CCDC171: variants seen among roughly 807,000 people sequenced by gnomAD.
CCDC171 encodes the protein coiled-coil domain-containing protein 171.
A neutral mutation model predicts 168.2 loss-of-function variants in CCDC171; 177 were observed. That is an observed-to-expected ratio of 1.05 (90% CI 0.93 to 1.19). The LOEUF (loss-of-function observed/expected upper bound fraction) is 1.19, where lower values mean the gene tolerates loss of function less well. CCDC171 is among the 50% of genes most tolerant of loss of function. The pLI is 0.00. For synonymous variants in CCDC171, 687 were observed against 540.8 expected (o/e 1.27, Z -3.75); for missense variants, 1,991 against 1,539.0 (o/e 1.29, Z -4.91).
intron 8 of CCDC171, among the ~76,000 whole-genome samples, chr9:15,659,407 A>G (rs2048158607): frequency 6.6e-6 from 1 of 152,226 alleles, no homozygotes; most frequent in African/African-American, 2.4e-5. Flanking sequence ...TCTAATAAAT[A>G]TGGTATTTGT....
chr9:15,643,903 G>C (rs2046832919), intron 7 of CCDC171, among the ~76,000 whole-genome samples: 1 of 151,944 alleles, frequency 6.6e-6, no homozygotes, highest in Non-Finnish European at 1.5e-5. Flanking sequence ...ACATTTATTG[G>C]TACTTCATTC....
chr9:15,891,193 A>C (rs1436781706), intron 24 of CCDC171, among the ~76,000 whole-genome samples: 1 of 152,162 alleles, frequency 6.6e-6, no homozygotes, highest in Non-Finnish European at 1.5e-5. Flanking sequence ...ATGTGAAAAG[A>C]GGAAAGATAA....
chr9:15,910,199 CACCAT>C (rs1004733724), intron 24 of CCDC171, among the ~76,000 whole-genome samples: 7 of 138,078 alleles, frequency 5.1e-5, no homozygotes, highest in African/African-American at 1.8e-4. Flanking sequence ...CACACACACA[CACCAT>C]ATTTTCTTTA....
chr9:15,726,254 C>G (rs920861489), intron 14 of CCDC171, among the ~76,000 whole-genome samples: 4 of 152,090 alleles, frequency 2.6e-5, no homozygotes, highest in African/African-American at 9.7e-5. Flanking sequence ...ATGTCTACAG[C>G]GCTGTGGTTG....
At chr9:15,691,546 T>TATATATATATA (rs1554762228) in intron 10 of CCDC171, among the ~76,000 whole-genome samples, 7,632 of 105,810 alleles carry the variant, frequency 0.072, 454 homozygotes, top group African/African-American at 0.088. Flanking sequence ...TATATGTTTT[T>TATATATATATA]TATATATATA....
intron 11 of CCDC171, among the ~76,000 whole-genome samples, chr9:15,701,138 T>C (rs1197530037): frequency 1.3e-5 from 2 of 152,238 alleles, no homozygotes. Flanking sequence ...ATTCTGGATA[T>C]TAGTCCCTTG....
At chr9:15,922,285 C>A in intron 25 of CCDC171, 1 of 210,052 alleles carries the variant, frequency 4.8e-6, no homozygotes, top group Non-Finnish European at 1.1e-5. Context: ...TTGAGAATCA[C>A]TGTTTTAAAA....
At chr9:15,582,085 G>A (rs548838152) in intron 4 of CCDC171, among the ~76,000 whole-genome samples, 2 of 152,104 alleles carry the variant, frequency 1.3e-5, no homozygotes, top group East Asian at 3.9e-4. Context: ...AAATTTACAA[G>A]AAAAAAACAA....
At chr9:16,025,662 ACTAAG>A (rs977049093) in intron 6 of CCDC171, among the ~76,000 whole-genome samples, 4 of 152,202 alleles carry the variant, frequency 2.6e-5, no homozygotes, top group African/African-American at 7.2e-5. Context: ...CCTTGGAAAC[ACTAAG>A]CTAAGTGAAA....
chr9:15,846,882 C>T (rs1192201793), intron 22 of CCDC171, 35 bp downstream of exon 22: 3 of 1,564,436 alleles, frequency 1.9e-6, no homozygotes, highest in Admixed American at 3.7e-5. Flanking sequence ...TCACTTAAAA[C>T]AGACAAAAGA....
At chr9:15,611,264 A>G (rs571920716) in intron 6 of CCDC171, among the ~76,000 whole-genome samples, 3 of 152,284 alleles carry the variant, frequency 2.0e-5, no homozygotes, top group East Asian at 3.9e-4. Context: ...CTGTTAGCCT[A>G]TTAAACCTCT....
At chr9:15,617,340 T>G (rs953547912) in intron 6 of CCDC171, among the ~76,000 whole-genome samples, 1 of 152,062 alleles carries the variant, frequency 6.6e-6, no homozygotes, top group Non-Finnish European at 1.5e-5. Flanking sequence ...CCTTTGATCT[T>G]TGAGGCTGAT....
the CCDC171 span, among the ~76,000 whole-genome samples, chr9:16,072,815 C>T: frequency 5.3e-5 from 8 of 152,160 alleles, no homozygotes; most frequent in Non-Finnish European, 1.2e-4. Flanking sequence ...CCTGAGATAC[C>T]CTAGCCCCCT....
At chr9:16,064,738 G>T (rs1833973580), downstream of CCDC171, among the ~76,000 whole-genome samples, 1 of 152,146 alleles carries the variant, frequency 6.6e-6, no homozygotes, top group East Asian at 1.9e-4. Flanking sequence ...ACTGTCAGAG[G>T]TAATGGAGAC....
chr9:15,917,033 T>G lies in CCDC171; in HGVS notation c.3601-3237T>G, dbSNP rs1483777414. Among the ~76,000 whole-genome samples the G allele has an allele frequency of 2.0e-5, 3 of 152,106 alleles. No homozygotes were observed. The East Asian group carries it at 5.8e-4, about 29-fold the overall frequency. ...AATGTAAAATAATGTGATCTTTTAA[T>G]AAGGGAACAGGATATGTCGTAGAGG... On this transcript the variant is annotated intron_variant, in intron 24 of 25. Coordinates refer to ENST00000380701, the MANE Select transcript of CCDC171 (RefSeq NM_173550.4).
At chr9:15,649,656 C>G (rs1429513507) in intron 7 of CCDC171, among the ~76,000 whole-genome samples, 1 of 152,140 alleles carries the variant, frequency 6.6e-6, no homozygotes, top group Non-Finnish European at 1.5e-5. Flanking sequence ...AAATGCTCAT[C>G]ATCACTGGCC....
intron 4 of CCDC171, among the ~76,000 whole-genome samples, chr9:15,582,162 C>G (rs1383604638): frequency 1.3e-5 from 2 of 152,140 alleles, no homozygotes; most frequent in East Asian, 3.8e-4. Context: ...ATGCAACCAA[C>G]AAACATATGA....
intron 12 of CCDC171, among the ~76,000 whole-genome samples, chr9:15,722,500 G>C (rs1168584561): frequency 1.3e-5 from 2 of 152,192 alleles, no homozygotes; most frequent in South Asian, 2.1e-4. Context: ...TTATGAATTT[G>C]TGCTTTAAGA....
At position 15,973,796 on chromosome 9, in the gene CCDC171, T is replaced by A. The variant is rs1380649335; in HGVS notation, c.*1960T>A. The A allele has an allele frequency of 6.6e-6, 1 of 152,134 alleles. No individual in the cohort carries two copies. The highest frequency in any genetic ancestry group is 2.4e-5 in the African/African-American group (1 of 41,436). 9.4% of individuals were successfully genotyped at this position (152,134 alleles called of 1,614,324 possible). ...AGAAATTGATAGACAATTTTTTAGTTCATGTGATATCACTGAGCTTACAAT... is the reference window on the plus strand; with the variant it reads ...AGAAATTGATAGACAATTTTTTAGTACATGTGATATCACTGAGCTTACAAT... On this transcript the variant is annotated 3_prime_UTR_variant, in exon 26 of 26. Transcript: ENST00000380701.
Sources: gnomAD v4.1 joint callset for allele counts (sites outside exome capture counted in the v4.1 genomes callset) on GRCh38, gnomAD v4.1.1 for gene constraint, MANE v1.5 for transcripts, NCBI Gene and HGNC (gene_info 2026-07-23, HGNC 2026-07-21) for gene names.